Variants in SLC8A2 observed in about 807,000 individuals in gnomAD.
SLC8A2 encodes sodium/calcium exchanger 2.
A neutral mutation model predicts 70.2 loss-of-function variants in SLC8A2; 14 were observed. The ratio of observed to expected loss-of-function variants is 0.20; its 90% CI spans 0.13 to 0.31. SLC8A2 has a LOEUF of 0.31. SLC8A2 is among the 10% of genes least tolerant of loss of function. SLC8A2 has a pLI of 1.00. For synonymous variants in SLC8A2, 575 were observed against 594.3 expected, an observed-to-expected ratio of 0.97 and a Z score of 0.47; for missense variants, 779 against 1,320.1, an observed-to-expected ratio of 0.59 and a Z score of 6.35.
chr19:47,446,122 C>T (rs1967158446), intron 4 of SLC8A2, among the ~76,000 whole-genome samples: 1 of 151,938 alleles, frequency 6.6e-6, no homozygotes, highest in South Asian at 2.1e-4. Flanking sequence ...GAGTGCTGCC[C>T]GAGGCGGAAG....
In SLC8A2 at chr19:47,457,561, GGAA is replaced by G. The variant is rs1967323171; in HGVS notation, c.706_708del (p.Phe236del). On this transcript the variant is annotated inframe_deletion, in exon 3 of 10. Transcript: ENST00000236877. ...ATCCAGGCGAATACCACGCACACCG[GGAA>G]GAAGACCAGGGTCAGCAGCGCCTCC... The G allele has an allele frequency of 6.3e-7, 1 of 1,589,026 alleles. No homozygotes were observed. The highest frequency in any genetic ancestry group is 8.6e-7 in the Non-Finnish European group (1 of 1,167,678).
Position 47,457,082 on chromosome 19 carries a change from G to C in SLC8A2, c.1188C>G (p.Ile396Met). The C allele has an allele frequency of 1.3e-6, 2 of 1,578,096 alleles. No homozygotes were observed. Among genetic ancestry groups the C allele is most frequent in the East Asian group, 2.3e-5 (1 of 42,764 alleles). The change falls in exon 3 of 10, where the codon ATC becomes ATG. Residue 396 changes from isoleucine to methionine, a missense_variant. Ile to Met is a conservative substitution (Grantham distance 10, BLOSUM62 1). This residue lies in a region of SLC8A2 where 186 missense variants were observed against 246.6 expected (regional missense o/e 0.75). Transcript: ENST00000236877. ...AGTGGTAGAGGCTAGGCTCGAAGAAGATGCGGCTGGCGCCGTCGTCTTCGT... is the reference window on the plus strand; with the variant it reads ...AGTGGTAGAGGCTAGGCTCGAAGAACATGCGGCTGGCGCCGTCGTCTTCGT... ...GEDEDDGASRIFFEPSLYHCL... is the reference protein window; with the variant it reads ...GEDEDDGASRMFFEPSLYHCL...
At chr19:47,445,925 G>C (rs1967155786) in intron 4 of SLC8A2, among the ~76,000 whole-genome samples, 2 of 152,230 alleles carry the variant, frequency 1.3e-5, no homozygotes, top group Admixed American at 1.3e-4. Flanking sequence ...GACCAAGCCA[G>C]ACAGAGAGAG....
Position 47,441,371 on chromosome 19 carries a change from C to G in SLC8A2, c.1833G>C (p.Leu611=), listed in dbSNP as rs1967097447. 6.2e-7 allele frequency: 1 copy of G among 1,613,930 alleles called. No homozygotes were observed. Among genetic ancestry groups the G allele is most frequent in the South Asian group, 1.1e-5 (1 of 91,080 alleles). The change falls in exon 5 of 10, where the codon CTG becomes CTC. Residue 611 remains leucine (L), a synonymous_variant. Transcript: ENST00000236877. ...CTCGCTTAAGCCACTGGGGCTGGCCCAGCTCAATGAAGAAATTATCCTTTT... is the reference window on the plus strand; with the variant it reads ...CTCGCTTAAGCCACTGGGGCTGGCCGAGCTCAATGAAGAAATTATCCTTTT... ...YEKKDNFFIE[L]GQPQWLKRGI...
At chr19:47,449,890 G>T (rs1967214749) in intron 3 of SLC8A2, among the ~76,000 whole-genome samples, 2 of 152,158 alleles carry the variant, frequency 1.3e-5, no homozygotes, top group South Asian at 4.1e-4. Context: ...GCCCTGTGAA[G>T]CTTCGTTCCG....
rs771796223 is a variant in SLC8A2, at chr19:47,463,006, G to A, written c.675+2723C>T. 2.6e-5 allele frequency among the ~76,000 whole-genome samples: 4 copies of A among 152,102 alleles called. No individual in the cohort carries two copies. In the South Asian group the frequency reaches 8.3e-4, roughly 32 times the overall value. On this transcript the variant is annotated intron_variant, in intron 2 of 9. Transcript: ENST00000236877. ...AGACTTCTTGCATGCAATGGTTTCT[G>A]ATCTTTTTCTTTCTCTGAAGCCCAG...
At chr19:47,457,851 T>A (rs1967334378) in intron 2 of SLC8A2, among the ~76,000 whole-genome samples, 1 of 151,572 alleles carries the variant, frequency 6.6e-6, no homozygotes, top group African/African-American at 2.4e-5. Context: ...CTTTTTTTTT[T>A]TATTTGAGAC....
chr19:47,460,720 A>G (rs982377296), intron 2 of SLC8A2, among the ~76,000 whole-genome samples: 4 of 151,584 alleles, frequency 2.6e-5, no homozygotes, highest in African/African-American at 9.7e-5. Flanking sequence ...AAAGAAAAAG[A>G]AAAAAAAGAA....
chr19:47,445,356 G>T (rs864926), intron 4 of SLC8A2, among the ~76,000 whole-genome samples: 17,260 of 152,088 alleles, frequency 0.11, 1,026 homozygotes, highest in Middle Eastern at 0.17. Context: ...TGATCCACCC[G>T]TGTTGGCCTC....
rs757521519 is a variant in SLC8A2, at chr19:47,457,583, C to T, written c.687G>A (p.Ala229=). The change falls in exon 3 of 10, where the codon GCG becomes GCA. Residue 229 remains alanine (A), a synonymous_variant. Coordinates refer to ENST00000236877, the MANE Select transcript of SLC8A2 (RefSeq NM_015063.3). ...CCGGGAAGAAGACCAGGGTCAGCAG[C>T]GCCTCCCACACCTGCGGGCGGCGGG... ...FSPGVVQVWE[A]LLTLVFFPVC... The T allele has an allele frequency of 1.3e-5, 21 of 1,561,630 alleles. No homozygotes were observed. Among genetic ancestry groups the T allele is most frequent in the Middle Eastern group, 1.7e-4 (1 of 5,800 alleles).
intron 2 of SLC8A2, among the ~76,000 whole-genome samples, chr19:47,457,928 T>G (rs1967335724): frequency 6.6e-6 from 1 of 151,844 alleles, no homozygotes; most frequent in South Asian, 2.1e-4. Context: ...ACCTTGAACC[T>G]TGGCCTCCCG....
At chr19:47,469,601 C>T (rs982730354) in intron 1 of SLC8A2, among the ~76,000 whole-genome samples, 11 of 152,172 alleles carry the variant, frequency 7.2e-5, no homozygotes, top group African/African-American at 9.7e-5. Context: ...TGGGGCCTTG[C>T]GAGAGGAGCA....
chr19:47,445,569 C>T (rs1214666877), intron 4 of SLC8A2, among the ~76,000 whole-genome samples: 2 of 152,168 alleles, frequency 1.3e-5, no homozygotes, highest in East Asian at 3.9e-4. Flanking sequence ...GTCTCTCCTC[C>T]ATCTCCAGCC....
At chr19:47,467,836 C>CAAAAAAAAAAAAAA in intron 1 of SLC8A2, among the ~76,000 whole-genome samples, 1 of 38,414 alleles carries the variant, frequency 2.6e-5, no homozygotes, top group Non-Finnish European at 4.6e-5. Flanking sequence ...TCTAAAAATA[C>CAAAAAAAAAAAAAA]AAAAAAAAAA....
At position 47,448,688 on chromosome 19, in the gene SLC8A2, C is replaced by A. The variant is rs575326059; in HGVS notation, c.1341-457G>T. Among the ~76,000 whole-genome samples the A allele has an allele frequency of 5.9e-5, 9 of 152,184 alleles. No homozygotes were observed. The highest frequency in any genetic ancestry group is 1.0e-4 in the Non-Finnish European group (7 of 68,030). On this transcript the variant is annotated intron_variant, in intron 3 of 9. Coordinates refer to ENST00000236877, the MANE Select transcript of SLC8A2 (RefSeq NM_015063.3). This position sits in a 1 kb window ranked among gnomAD's most constrained non-coding sequence, Gnocchi z 4.8. ...GGTGGAGCTTGTGAAAATGCAGATT[C>A]TGGTTTAGAAGCTCCCGGGTTTCTA...
At chr19:47,450,674 C>T (rs1419895606) in intron 3 of SLC8A2, among the ~76,000 whole-genome samples, 2 of 152,156 alleles carry the variant, frequency 1.3e-5, no homozygotes, top group East Asian at 3.9e-4. Context: ...TCAGGATTCA[C>T]TGTCCGTGGT....
intron 2 of SLC8A2, among the ~76,000 whole-genome samples, chr19:47,459,503 C>T (rs1243949005): frequency 6.6e-6 from 1 of 151,928 alleles, no homozygotes; most frequent in African/African-American, 2.4e-5. Flanking sequence ...TCTTGCTCCC[C>T]ATCTCTGTGT....
rs530376234 is a variant in SLC8A2, at chr19:47,432,732, C to T, written c.2111-287G>A. On this transcript the variant is annotated intron_variant, in intron 8 of 9. Coordinates refer to ENST00000236877, the MANE Select transcript of SLC8A2 (RefSeq NM_015063.3). The surrounding 1 kb of genome is among the most constrained non-coding windows in gnomAD (Gnocchi z 6.2). ...GTAAAAACAGTTACTTCCATAGAATCCCTTGGAGCTAGGGGCATGACTGAG... is the reference window on the plus strand; with the variant it reads ...GTAAAAACAGTTACTTCCATAGAATTCCTTGGAGCTAGGGGCATGACTGAG... Among the ~76,000 whole-genome samples, 10 of 151,848 alleles carry T rather than the reference C, an allele frequency of 6.6e-5. No individual in the cohort carries two copies. Among genetic ancestry groups the T allele is most frequent in the Non-Finnish European group, 1.2e-4 (8 of 68,006 alleles).
chr19:47,439,265 T>A (rs1025008052), intron 6 of SLC8A2, among the ~76,000 whole-genome samples: 1 of 152,144 alleles, frequency 6.6e-6, no homozygotes, highest in African/African-American at 2.4e-5. Context: ...CAGTGGCTCA[T>A]GTCTGTAATC....
Sources: gnomAD v4.1 joint callset for allele counts (sites outside exome capture counted in the v4.1 genomes callset) on GRCh38, gnomAD v4.1.1 for gene constraint, gnomAD v4.1.1 regional missense constraint, Gnocchi (gnomAD v3.1) non-coding constraint, MANE v1.5 for transcripts, NCBI Gene and HGNC (gene_info 2026-07-23, HGNC 2026-07-21) for gene names.